The following NF2 variants were observed in gnomAD, a reference collection of about 807,000 sequenced individuals.
The protein encoded by NF2 is merlin.
A neutral mutation model predicts 83.7 loss-of-function variants in NF2; 8 were observed. That is an observed-to-expected ratio of 0.10 (90% CI 0.06 to 0.17). The LOEUF (loss-of-function observed/expected upper bound fraction) is 0.17. Among genes scored for constraint, NF2 ranks in the 10% least tolerant of loss-of-function variants. The pLI is 1.00. For synonymous variants in NF2, 266 were observed against 269.6 expected (o/e 0.99, Z 0.13); for missense variants, 533 against 744.4 (o/e 0.72, Z 3.31).
Position 29,696,318 on chromosome 22 carries a change from C to T in NF2, c.*1516C>T. 4.5e-6 allele frequency: 1 copy of T among 221,006 alleles called. No homozygotes were observed. Among genetic ancestry groups the T allele is most frequent in the Non-Finnish European group, 9.1e-6 (1 of 110,416 alleles). The allele number at this position is 221,006 out of a possible 1,614,324, so 13.7% of individuals were successfully genotyped here. A position where few individuals can be genotyped will look rare whatever the true frequency, so the allele number is the denominator to read the frequency against. Reference sequence around the variant, plus strand: ...TCAAACTCACACCTGGGATTACAGGCATGAGCCACTGCACCCAGCCCCTTC... The same window carrying T: ...TCAAACTCACACCTGGGATTACAGGTATGAGCCACTGCACCCAGCCCCTTC... On this transcript the variant is annotated 3_prime_UTR_variant, in exon 16 of 16. Transcript: ENST00000338641.
chr22:29,674,804 T>C lies in NF2; in HGVS notation c.1341-32T>C, dbSNP rs779957240. 6 of 1,545,714 alleles carry C rather than the reference T, an allele frequency of 3.9e-6. No individual in the cohort carries two copies. The East Asian group carries it at 1.2e-4, about 31-fold the overall frequency. ...TCTTTTCCTGCTACCTGCCCTCTTC[T>C]GTGAAGCTGACATCTCATCCTTTCC... is the stretch of plus-strand genomic sequence containing the variant. On this transcript the variant is annotated intron_variant, in intron 12 of 15. Transcript: ENST00000338641.
At chr22:29,628,274 T>C (rs2530661) in intron 1 of NF2, among the ~76,000 whole-genome samples, 71,662 of 151,690 alleles carry the variant, frequency 0.47, 17,426 homozygotes, top group East Asian at 0.75. Flanking sequence ...TTTTTCAATA[T>C]GTGTAAAGCC....
At chr22:29,652,796 C>T (rs892078854) in intron 4 of NF2, among the ~76,000 whole-genome samples, 1 of 152,224 alleles carries the variant, frequency 6.6e-6, no homozygotes, top group Non-Finnish European at 1.5e-5. Flanking sequence ...CAGGCTCCTA[C>T]CCTCACTCTA....
intron 10 of NF2, among the ~76,000 whole-genome samples, chr22:29,670,299 G>A (rs2066744480): frequency 6.7e-6 from 1 of 150,108 alleles, no homozygotes. Context: ...TGCCTGCCTG[G>A]CCTGACTGGG....
chr22:29,641,084 G>A (rs2065797395), intron 3 of NF2, among the ~76,000 whole-genome samples: 1 of 152,202 alleles, frequency 6.6e-6, no homozygotes, highest in South Asian at 2.1e-4. Context: ...AGTGAGCCGA[G>A]ATTGCGCCAT....
intron 4 of NF2, among the ~76,000 whole-genome samples, chr22:29,652,462 G>C (rs1044600026): frequency 3.3e-5 from 5 of 151,980 alleles, no homozygotes; most frequent in African/African-American, 1.2e-4. Flanking sequence ...GTACCACCAC[G>C]CCTGGCTGAT....
At chr22:29,605,701 C>G (rs899803029) in intron 1 of NF2, among the ~76,000 whole-genome samples, 2 of 152,178 alleles carry the variant, frequency 1.3e-5, no homozygotes, top group Non-Finnish European at 2.9e-5. Context: ...TCAAGAAAAT[C>G]TACAAATTCG....
Position 29,644,312 on chromosome 22 carries a change from C to T in NF2, c.447+2027C>T, listed in dbSNP as rs1297733106. Among the ~76,000 whole-genome samples the T allele has an allele frequency of 3.3e-5, 5 of 150,618 alleles. No individual in the cohort carries two copies. The East Asian group carries it at 9.8e-4, about 30-fold the overall frequency. Reference sequence around the variant, plus strand: ...GGCGGGGCAGAGGCGCTCCCCACATCCCAGACGATGGGCGGCCGGGCAGAG... The same window carrying T: ...GGCGGGGCAGAGGCGCTCCCCACATTCCAGACGATGGGCGGCCGGGCAGAG... On this transcript the variant is annotated intron_variant, in intron 4 of 15. Coordinates refer to ENST00000338641, the MANE Select transcript of NF2 (RefSeq NM_000268.4).
chr22:29,606,271 T>TC (rs1174605235), intron 1 of NF2, among the ~76,000 whole-genome samples: 3 of 152,208 alleles, frequency 2.0e-5, no homozygotes, highest in African/African-American at 7.2e-5. Flanking sequence ...GGAGCTCCCT[T>TC]CTTCCACCTA....
At chr22:29,686,064 CTT>C (rs1159075214) in intron 15 of NF2, among the ~76,000 whole-genome samples, 5 of 151,308 alleles carry the variant, frequency 3.3e-5, no homozygotes, top group Non-Finnish European at 7.4e-5. Context: ...CTTACTCTCT[CTT>C]GAGGCACAGT....
chr22:29,685,796 G>A (rs1798405093), intron 15 of NF2, among the ~76,000 whole-genome samples: 1 of 152,134 alleles, frequency 6.6e-6, no homozygotes, highest in African/African-American at 2.4e-5. Context: ...TACCCATGGG[G>A]GCTGTGTAAC....
chr22:29,664,857 T>C, intron 8 of NF2, 133 bp from the exon 9 acceptor site: 2 of 738,148 alleles, frequency 2.7e-6, no homozygotes, highest in South Asian at 1.5e-5. Flanking sequence ...AGTGCCTGGA[T>C]ACTGGGAAGC....
chr22:29,643,449 G>A (rs905411477), intron 4 of NF2, among the ~76,000 whole-genome samples: 4 of 152,186 alleles, frequency 2.6e-5, no homozygotes, highest in Admixed American at 1.3e-4. Flanking sequence ...CTTCCGCAGC[G>A]TTTGTGTCCC....
chr22:29,688,439 G>C (rs866701371), intron 15 of NF2, among the ~76,000 whole-genome samples: 4 of 152,214 alleles, frequency 2.6e-5, no homozygotes, highest in African/African-American at 9.7e-5. Context: ...TTTCTCTTTT[G>C]ATGTTGGCAA....
intron 1 of NF2, among the ~76,000 whole-genome samples, chr22:29,625,094 A>G (rs962032022): frequency 6.6e-6 from 1 of 151,284 alleles, no homozygotes; most frequent in African/African-American, 2.4e-5. Context: ...GTGCGCCACT[A>G]ATTTTTGTAT....
chr22:29,694,694 C>G lies in NF2; in HGVS notation c.1738-58C>G. 3.8e-6 allele frequency: 6 copies of G among 1,575,730 alleles called. No homozygotes were observed. In the South Asian group the frequency reaches 4.6e-5, roughly 12 times the overall value. On this transcript the variant is annotated intron_variant, in intron 15 of 15. Coordinates refer to ENST00000338641, the MANE Select transcript of NF2 (RefSeq NM_000268.4). The surrounding 1 kb of genome is among the most constrained non-coding windows in gnomAD (Gnocchi z 4.1). ...GTGAGTCCAAGTGGCAGGACAGGACCCTGTGTGACAGAGCGGAGGTCTTGT... is the reference window on the plus strand; with the variant it reads ...GTGAGTCCAAGTGGCAGGACAGGACGCTGTGTGACAGAGCGGAGGTCTTGT...
At chr22:29,677,389 CA>C (rs2066995911) in intron 13 of NF2, among the ~76,000 whole-genome samples, 1 of 151,532 alleles carries the variant, frequency 6.6e-6, no homozygotes, top group Non-Finnish European at 1.5e-5. Context: ...GGCAGTAGTC[CA>C]GGGGATAATA....
intron 1 of NF2, among the ~76,000 whole-genome samples, chr22:29,611,488 C>T (rs2064951687): frequency 6.6e-6 from 1 of 152,142 alleles, no homozygotes; most frequent in Non-Finnish European, 1.5e-5. Context: ...GATAGCACTA[C>T]TGCACACAAT....
chr22:29,641,923 C>T (rs2065821078), intron 3 of NF2, among the ~76,000 whole-genome samples: 1 of 152,158 alleles, frequency 6.6e-6, no homozygotes, highest in African/African-American at 2.4e-5. Context: ...GTCACACAGC[C>T]TCTGTTGTAA....
Sources: allele counts gnomAD v4.1 joint callset (sites outside exome capture counted in the v4.1 genomes callset), GRCh38; gene constraint gnomAD v4.1.1; non-coding constraint Gnocchi (gnomAD v3.1); transcripts MANE v1.5; gene names NCBI Gene and HGNC (gene_info 2026-07-23, HGNC 2026-07-21).